MCC: variants seen among roughly 807,000 people sequenced by gnomAD.
MCC encodes MCC regulator of Wnt signaling pathway.
MCC carries 90 observed loss-of-function variants against 116.2 expected under a neutral mutation model. The observed-to-expected ratio is 0.77, with a 90% CI of 0.65 to 0.92. The LOEUF (loss-of-function observed/expected upper bound fraction) is 0.92, where lower values mean the gene tolerates loss of function less well. MCC is among the 40% of genes least tolerant of loss of function. The probability of loss-of-function intolerance (pLI) is 0.00; values close to 1 mark genes in which losing one functional copy is unlikely to be tolerated. For missense variants in MCC, 1,516 were observed against 1,312.2 expected (o/e 1.16, Z -2.40); for synonymous variants, 578 against 510.5 (o/e 1.13, Z -1.78).
chr5:113,085,306 C>A lies in MCC; in HGVS notation c.1403G>T (p.Arg468Ile). ...EERDRLRRRV[R>I]ELQTRLQSVQ... ...GCTCTGTAGTCGAGTTTGAAGCTCTCTGACCTGAAATCATAATGCTTTTAG... is the reference window on the plus strand; with the variant it reads ...GCTCTGTAGTCGAGTTTGAAGCTCTATGACCTGAAATCATAATGCTTTTAG... Residue 468 changes from arginine to isoleucine, a missense_variant, in exon 9 of 19, where the codon AGA becomes ATA. Coordinates refer to ENST00000408903, the MANE Select transcript of MCC (RefSeq NM_001085377.2). 6.2e-7 allele frequency: 1 copy of A among 1,610,040 alleles called. No homozygotes were observed. Among genetic ancestry groups the A allele is most frequent in the Non-Finnish European group, 8.5e-7 (1 of 1,177,190 alleles).
Position 113,157,211 on chromosome 5 carries a change from C to T in MCC, c.628-5789G>A, listed in dbSNP as rs1233881679. 2.0e-5 allele frequency among the ~76,000 whole-genome samples: 3 copies of T among 152,220 alleles called. No homozygotes were observed. The South Asian group carries it at 6.2e-4, about 31-fold the overall frequency. ...AATAAACACAGCAGACATGCCTACA[C>T]TACCCAGTGCACACACCACTCTCCA... On this transcript the variant is annotated intron_variant, in intron 3 of 18. Transcript: ENST00000408903.
chr5:113,227,775 C>T (rs1248731436), intron 3 of MCC, among the ~76,000 whole-genome samples: 2 of 152,148 alleles, frequency 1.3e-5, no homozygotes, highest in East Asian at 3.8e-4. Flanking sequence ...CATTCCATTC[C>T]TATAATAAAA....
chr5:113,151,192 T>C, intron 4 of MCC, 117 bp downstream of exon 4: 1 of 661,722 alleles, frequency 1.5e-6, no homozygotes, highest in Non-Finnish European at 2.7e-6. Flanking sequence ...AGACAGAGTA[T>C]TTGCTGATAA....
chr5:113,274,630 G>C (rs1765754369), intron 3 of MCC, among the ~76,000 whole-genome samples: 1 of 152,130 alleles, frequency 6.6e-6, no homozygotes. Context: ...CAAAGTGCCA[G>C]GATTACAGGT....
At chr5:113,068,019 G>A (rs991798945) in intron 13 of MCC, 61 bp downstream of exon 13, 34 of 1,419,974 alleles carry the variant, frequency 2.4e-5, no homozygotes, top group African/African-American at 5.6e-5. Flanking sequence ...TGCTGAGACA[G>A]GGGCAGAAGC....
chr5:113,053,842 C>T lies in MCC; in HGVS notation c.2331G>A (p.Met777Ile). 1 of 1,614,138 alleles carries T rather than the reference C, an allele frequency of 6.2e-7. No individual in the cohort carries two copies. The highest frequency in any genetic ancestry group is 8.5e-7 in the Non-Finnish European group (1 of 1,180,000). The change falls in exon 15 of 19, where the codon ATG becomes ATA. Residue 777 changes from methionine (M) to isoleucine (I), a missense_variant. Met to Ile is a conservative substitution (Grantham distance 10). Transcript: ENST00000408903. ...CGATGTGGATGCTTTCCAGCTCCAGCATGGTCAGCTTGACCGCAGCCCTGT... is the reference window on the plus strand; with the variant it reads ...CGATGTGGATGCTTTCCAGCTCCAGTATGGTCAGCTTGACCGCAGCCCTGT... ...KNDRAAVKLT[M>I]LELESIHIDP...
intron 1 of MCC, among the ~76,000 whole-genome samples, chr5:113,480,212 T>C (rs1251832540): frequency 6.6e-6 from 1 of 152,204 alleles, no homozygotes; most frequent in Non-Finnish European, 1.5e-5. Flanking sequence ...TGACAACCTT[T>C]TGTTGTTTAT....
intron 17 of MCC, among the ~76,000 whole-genome samples, chr5:113,035,374 G>A (rs953223488): frequency 2.6e-5 from 4 of 152,178 alleles, no homozygotes; most frequent in African/African-American, 7.2e-5. Context: ...AACCACAACA[G>A]CCTGCTAACT....
At chr5:113,081,916 A>G (rs1293650959) in intron 11 of MCC, among the ~76,000 whole-genome samples, 2 of 152,192 alleles carry the variant, frequency 1.3e-5, no homozygotes, top group Non-Finnish European at 2.9e-5. Context: ...CGGTATCCCT[A>G]TTTCTTCCTG....
At chr5:113,480,428 T>G (rs1772349359) in intron 1 of MCC, among the ~76,000 whole-genome samples, 1 of 152,230 alleles carries the variant, frequency 6.6e-6, no homozygotes, top group African/African-American at 2.4e-5. Context: ...AATCTGAATG[T>G]TTCTTAAAAT....
chr5:113,299,292 C>CAAAAAAAAAAAAAAAA (rs58372049), intron 3 of MCC, among the ~76,000 whole-genome samples: 1 of 52,062 alleles, frequency 1.9e-5, no homozygotes, highest in Non-Finnish European at 3.9e-5. Context: ...GACTCCGTCT[C>CAAAAAAAAAAAAAAAA]AAAAAAAAAA....
intron 3 of MCC, among the ~76,000 whole-genome samples, chr5:113,191,613 G>A (rs974776237): frequency 6.6e-6 from 1 of 152,212 alleles, no homozygotes; most frequent in African/African-American, 2.4e-5. Flanking sequence ...GCAGGCAGAG[G>A]TTTCCTCGCC....
chr5:113,220,946 T>C (rs577528835), intron 3 of MCC, among the ~76,000 whole-genome samples: 1 of 152,232 alleles, frequency 6.6e-6, no homozygotes, highest in Admixed American at 6.5e-5. Flanking sequence ...CTCATGCCTA[T>C]AATCCCAGCA....
chr5:113,163,636 A>C (rs1226488107), intron 3 of MCC, among the ~76,000 whole-genome samples: 1 of 152,188 alleles, frequency 6.6e-6, no homozygotes, highest in African/African-American at 2.4e-5. Context: ...ATGAACAAGA[A>C]GAACTGTACC....
chr5:113,201,504 G>A (rs193046632), intron 3 of MCC, among the ~76,000 whole-genome samples: 250 of 152,060 alleles, frequency 1.6e-3, no homozygotes, highest in Middle Eastern at 6.9e-3. Context: ...CTCCTTCTTG[G>A]TGACTTTAAA....
chr5:113,403,084 T>C (rs1249137692), intron 1 of MCC, among the ~76,000 whole-genome samples: 4 of 152,086 alleles, frequency 2.6e-5, no homozygotes, highest in South Asian at 4.1e-4. Flanking sequence ...TTGCTGCAGA[T>C]TGGCAAGAAA....
intron 1 of MCC, among the ~76,000 whole-genome samples, chr5:113,466,194 T>G (rs1771901397): frequency 1.3e-5 from 2 of 151,852 alleles, no homozygotes; most frequent in Admixed American, 1.3e-4. Context: ...AATTTTATTA[T>G]TATTATACTT....
At position 113,335,015 on chromosome 5, in the gene MCC, C is replaced by T. The variant is rs751372176; in HGVS notation, c.627+5504G>A. Among the ~76,000 whole-genome samples the T allele has an allele frequency of 1.1e-4, 17 of 151,706 alleles. 1 individual carries two copies. The highest frequency in any genetic ancestry group is 1.9e-4 in the Non-Finnish European group (13 of 68,032). ...GAAAATCTAAAGGGTGACAAGCATG[C>T]TCTATGCTGAAGAATTTTTTGTTCT... On this transcript the variant is annotated intron_variant, in intron 3 of 18. Transcript: ENST00000408903.
At chr5:113,160,657 C>A (rs935162) in intron 3 of MCC, among the ~76,000 whole-genome samples, 6 of 151,932 alleles carry the variant, frequency 3.9e-5, no homozygotes, top group African/African-American at 1.2e-4. Context: ...CAAATACCCA[C>A]GAAACTGTTG....
Sources: allele counts gnomAD v4.1 joint callset (sites outside exome capture counted in the v4.1 genomes callset), GRCh38; gene constraint gnomAD v4.1.1; transcripts MANE v1.5; gene names NCBI Gene and HGNC (gene_info 2026-07-23, HGNC 2026-07-21).